Variants in HPGDS observed in about 807,000 individuals in gnomAD.
The protein encoded by HPGDS is GST class-sigma.
Under a neutral mutation model 23.1 loss-of-function variants are expected in HPGDS, and 26 were observed. That is an observed-to-expected ratio of 1.13 (90% CI 0.83 to 1.56). HPGDS has a LOEUF of 1.56. Ranked by LOEUF, HPGDS falls within the 40% of genes most tolerant of loss-of-function variation. The pLI is 0.00. For synonymous variants in HPGDS, 95 were observed against 77.9 expected, an observed-to-expected ratio of 1.22 and a Z score of -1.16; for missense variants, 268 against 236.4, an observed-to-expected ratio of 1.13 and a Z score of -0.88.
intron 1 of HPGDS, among the ~76,000 whole-genome samples, chr4:94,336,945 GTTTCGT>G (rs1256275124): frequency 1.5e-4 from 3 of 20,550 alleles, no homozygotes; most frequent in Non-Finnish European, 3.2e-4. Context: ...TCTATTTGGT[GTTTCGT>G]TTTGTTTCGT....
At chr4:94,321,249 C>CT (rs1756503041) in intron 2 of HPGDS, among the ~76,000 whole-genome samples, 1 of 152,104 alleles carries the variant, frequency 6.6e-6, no homozygotes, top group Non-Finnish European at 1.5e-5. Context: ...AATGCAGGCT[C>CT]TTTTTTGGTT....
intron 2 of HPGDS, among the ~76,000 whole-genome samples, chr4:94,329,444 A>G (rs1756698140): frequency 6.6e-6 from 1 of 152,204 alleles, no homozygotes; most frequent in South Asian, 2.1e-4. Flanking sequence ...TGAAAATCTT[A>G]TTTTTTTGAG....
At chr4:94,307,367 G>A (rs936944120) in intron 4 of HPGDS, among the ~76,000 whole-genome samples, 1 of 150,986 alleles carries the variant, frequency 6.6e-6, no homozygotes, top group Non-Finnish European at 1.5e-5. Context: ...CTGTGACCAA[G>A]TATCTAGGAC....
intron 3 of HPGDS, among the ~76,000 whole-genome samples, chr4:94,314,487 C>T (rs573708396): frequency 5.9e-5 from 9 of 152,254 alleles, no homozygotes; most frequent in East Asian, 1.9e-4. Flanking sequence ...GCTGCCTGAT[C>T]GTTGCTCTGG....
At chr4:94,312,039 A>G (rs1756285273) in intron 3 of HPGDS, among the ~76,000 whole-genome samples, 2 of 151,368 alleles carry the variant, frequency 1.3e-5, no homozygotes, top group Non-Finnish European at 2.9e-5. Context: ...TTTCTTCTTT[A>G]TTAGTGTTGC....
intron 4 of HPGDS, among the ~76,000 whole-genome samples, chr4:94,307,175 T>G (rs901511805): frequency 1.3e-5 from 2 of 151,724 alleles, no homozygotes; most frequent in Non-Finnish European, 1.5e-5. Context: ...AGTTTGAGAA[T>G]AAAATAAAAA....
At chr4:94,300,069 C>A (rs1756004133) in intron 5 of HPGDS, among the ~76,000 whole-genome samples, 1 of 152,180 alleles carries the variant, frequency 6.6e-6, no homozygotes, top group African/African-American at 2.4e-5. Flanking sequence ...TCCATTAACT[C>A]TTCAAAGCAG....
At chr4:94,302,544 A>T (rs964766189) in intron 4 of HPGDS, among the ~76,000 whole-genome samples, 2 of 152,118 alleles carry the variant, frequency 1.3e-5, no homozygotes, top group African/African-American at 4.8e-5. Context: ...AAATTTACTA[A>T]AGTGAAATGA....
rs571934678 is a variant in HPGDS at position 94,305,896 on chromosome 4, CA to C, written c.336+2737del. Among the ~76,000 whole-genome samples, 25 of 152,196 alleles carry C rather than the reference CA, an allele frequency of 1.6e-4. No homozygotes were observed. In the South Asian group the frequency reaches 5.2e-3, roughly 32 times the overall value. Reference sequence around the variant, plus strand: ...AATTCAGCTGTCTGGGCTCAGTTCACAGTTCTGTCAGTTGTGTGACTTTGGG... The same window carrying C: ...AATTCAGCTGTCTGGGCTCAGTTCACGTTCTGTCAGTTGTGTGACTTTGGG... On this transcript the variant is annotated intron_variant, in intron 4 of 5. Transcript: ENST00000295256.
chr4:94,326,821 G>C (rs1157149274), intron 2 of HPGDS, among the ~76,000 whole-genome samples: 1 of 152,088 alleles, frequency 6.6e-6, no homozygotes, highest in African/African-American at 2.4e-5. Context: ...ATCTGGTATA[G>C]TAGTCGCTCC....
chr4:94,327,508 G>T (rs1756657040), intron 2 of HPGDS, among the ~76,000 whole-genome samples: 1 of 152,060 alleles, frequency 6.6e-6, no homozygotes, highest in Non-Finnish European at 1.5e-5. Context: ...AAATGCTAGT[G>T]GTGATAAGTG....
intron 5 of HPGDS, among the ~76,000 whole-genome samples, chr4:94,300,361 G>T (rs1410863512): frequency 6.6e-6 from 1 of 152,220 alleles, no homozygotes; most frequent in Non-Finnish European, 1.5e-5. Context: ...TCCTACCATT[G>T]TACAGTTGTA....
chr4:94,319,259 A>G (rs1363321229), intron 2 of HPGDS, among the ~76,000 whole-genome samples: 1 of 152,152 alleles, frequency 6.6e-6, no homozygotes, highest in East Asian at 1.9e-4. Flanking sequence ...TGACCACTTT[A>G]TTATTATATA....
chr4:94,312,441 G>A (rs1756294849), intron 3 of HPGDS, among the ~76,000 whole-genome samples: 1 of 152,192 alleles, frequency 6.6e-6, no homozygotes, highest in Non-Finnish European at 1.5e-5. Context: ...ACATGTAGTT[G>A]AGCGGTTTTG....
chr4:94,321,837 G>A (rs911553405), intron 2 of HPGDS, among the ~76,000 whole-genome samples: 4 of 152,174 alleles, frequency 2.6e-5, no homozygotes, highest in Non-Finnish European at 5.9e-5. Context: ...TCCCTGTCTT[G>A]TGCCAGTTTT....
chr4:94,341,516 A>G (rs1222335363), intron 1 of HPGDS, among the ~76,000 whole-genome samples: 1 of 152,216 alleles, frequency 6.6e-6, no homozygotes, highest in Non-Finnish European at 1.5e-5. Context: ...ATTTTGTTAG[A>G]TAGAAAACTT....
At chr4:94,316,020 C>A (rs764676049) in intron 3 of HPGDS, among the ~76,000 whole-genome samples, 1 of 152,158 alleles carries the variant, frequency 6.6e-6, no homozygotes, top group Non-Finnish European at 1.5e-5. Flanking sequence ...CACCTTTTCT[C>A]AAACCAGCTC....
chr4:94,318,794 CTT>C (rs1560589752), intron 2 of HPGDS, among the ~76,000 whole-genome samples: 2 of 152,108 alleles, frequency 1.3e-5, no homozygotes, highest in Non-Finnish European at 2.9e-5. Context: ...CTCACTGCAA[CTT>C]CCACCTCCCA....
chr4:94,321,745 T>G (rs1289636380), intron 2 of HPGDS, among the ~76,000 whole-genome samples: 1 of 152,226 alleles, frequency 6.6e-6, no homozygotes, highest in African/African-American at 2.4e-5. Flanking sequence ...CCTAATTGAA[T>G]AACCTTTATT....
Sources: allele counts gnomAD v4.1 joint callset (sites outside exome capture counted in the v4.1 genomes callset), GRCh38; gene constraint gnomAD v4.1.1; transcripts MANE v1.5; gene names NCBI Gene and HGNC (gene_info 2026-07-23, HGNC 2026-07-21).